The following DOT1L variants were observed in gnomAD, a reference collection of about 807,000 sequenced individuals.
DOT1L encodes histone-lysine N-methyltransferase, H3 lysine-79 specific.
Under a neutral mutation model 153.3 loss-of-function variants are expected in DOT1L, and 33 were observed. The ratio of observed to expected loss-of-function variants is 0.22; its 90% CI spans 0.16 to 0.29. DOT1L has a LOEUF of 0.29. DOT1L is among the 10% of genes least tolerant of loss of function. The pLI, the probability that DOT1L is intolerant of heterozygous loss-of-function variation, is 1.00. For missense variants in DOT1L, 1,847 were observed against 2,119.9 expected, an observed-to-expected ratio of 0.87 and a Z score of 2.53; for synonymous variants, 1,135 against 965.1, an observed-to-expected ratio of 1.18 and a Z score of -3.26.
chr19:2,188,876 G>A (rs1042251548), intron 3 of DOT1L, among the ~76,000 whole-genome samples: 2 of 152,214 alleles, frequency 1.3e-5, no homozygotes, highest in African/African-American at 4.8e-5. Context: ...CTGAGCCCAG[G>A]CCTGGCTGGG....
rs1344258904 is a variant in DOT1L, at chr19:2,230,184, G to A, written c.*392G>A. 7 of 470,174 alleles carry A rather than the reference G, an allele frequency of 1.5e-5. No individual in the cohort carries two copies. Among genetic ancestry groups the A allele is most frequent in the Non-Finnish European group, 2.2e-5 (6 of 269,180 alleles). 29.1% of individuals were successfully genotyped at this position (470,174 alleles called of 1,614,324 possible). ...GGTGCTATCTCGTCCCCAGGCCCGCGCCTGCCTCCACCCGCTTGGTGCTGA... is the reference window on the plus strand; with the variant it reads ...GGTGCTATCTCGTCCCCAGGCCCGCACCTGCCTCCACCCGCTTGGTGCTGA... On this transcript the variant is annotated 3_prime_UTR_variant, in exon 28 of 28. Coordinates refer to ENST00000398665, the MANE Select transcript of DOT1L (RefSeq NM_032482.3).
intron 2 of DOT1L, 92 bp downstream of exon 2, chr19:2,180,848 C>T (rs1025875916): frequency 1.9e-5 from 28 of 1,494,452 alleles, no homozygotes; most frequent in Middle Eastern, 2.0e-4. Flanking sequence ...GGGGATGGCT[C>T]CTGCAGGGGT....
chr19:2,217,110 C>A lies in DOT1L; in HGVS notation c.2544+20C>A, dbSNP rs1478852611. The A allele has an allele frequency of 1.3e-6, 2 of 1,570,452 alleles. No individual in the cohort carries two copies. Among genetic ancestry groups the A allele is most frequent in the Admixed American group, 1.8e-5 (1 of 56,634 alleles). Reference sequence around the variant, plus strand: ...GAGAAGGTGCGGGCCGCGACCCCTGCCCCGGGCTCAGGGAGGTGCTCAGCA... The same window carrying A: ...GAGAAGGTGCGGGCCGCGACCCCTGACCCGGGCTCAGGGAGGTGCTCAGCA... On this transcript the variant is annotated intron_variant, in intron 21 of 27. Coordinates refer to ENST00000398665, the MANE Select transcript of DOT1L (RefSeq NM_032482.3). The surrounding 1 kb of genome is among the most constrained non-coding windows in gnomAD (Gnocchi z 7.3).
Position 2,190,479 on chromosome 19 carries a change from T to G in DOT1L, c.265-533T>G, listed in dbSNP as rs2022743189. On this transcript the variant is annotated intron_variant, in intron 4 of 27. Transcript: ENST00000398665. The surrounding 1 kb of genome is among the most constrained non-coding windows in gnomAD (Gnocchi z 4.8). ...CATCAGCCTGCCACCCGGCTCTGGC[T>G]TCCCCTCAACCTCATGCATGCAGCT... Among the ~76,000 whole-genome samples, 1 of 152,212 alleles carries G rather than the reference T, an allele frequency of 6.6e-6. No homozygotes were observed.
intron 16 of DOT1L, chr19:2,212,173 A>T (rs991794375): frequency 4.4e-6 from 1 of 225,398 alleles, no homozygotes; most frequent in Non-Finnish European, 8.7e-6. Flanking sequence ...GTGAGGTCAC[A>T]GTCTTCCCAG....
At chr19:2,206,680 C>A in intron 9 of DOT1L, 49 bp from the exon 10 acceptor site, 1 of 1,595,288 alleles carries the variant, frequency 6.3e-7, no homozygotes, top group South Asian at 1.1e-5. Context: ...GGTGTCTGCT[C>A]TTCTGTTTCC....
chr19:2,229,927 A>C lies in DOT1L; in HGVS notation c.*135A>C. The C allele has an allele frequency of 6.6e-7, 1 of 1,512,390 alleles. No homozygotes were observed. The highest frequency in any genetic ancestry group is 9.1e-7 in the Non-Finnish European group (1 of 1,099,508). The allele number at this position is 1,512,390 out of a possible 1,614,324, so 93.7% of individuals were successfully genotyped here. A position where few individuals can be genotyped will look rare whatever the true frequency, so the allele number is the denominator to read the frequency against. ...AGGACGGACGGGAGCTCCACTGTGAATCGGCGGCACGCGCCGCAGGAGGCT... is the reference window on the plus strand; with the variant it reads ...AGGACGGACGGGAGCTCCACTGTGACTCGGCGGCACGCGCCGCAGGAGGCT... On this transcript the variant is annotated 3_prime_UTR_variant, in exon 28 of 28. Transcript: ENST00000398665.
intron 27 of DOT1L, chr19:2,229,198 C>T (rs998632052): frequency 1.0e-6 from 1 of 985,342 alleles, no homozygotes; most frequent in African/African-American, 1.7e-5. Flanking sequence ...CCTGTTCACT[C>T]CTCCCCCAAG....
At chr19:2,174,749 AG>A (rs943929071) in intron 1 of DOT1L, among the ~76,000 whole-genome samples, 2 of 151,280 alleles carry the variant, frequency 1.3e-5, no homozygotes, top group African/African-American at 4.9e-5. Context: ...TCTCCCAAAC[AG>A]CTGAGACTAC....
At chr19:2,171,394 C>A (rs559052947) in intron 1 of DOT1L, among the ~76,000 whole-genome samples, 3 of 152,318 alleles carry the variant, frequency 2.0e-5, no homozygotes, top group Non-Finnish European at 4.4e-5. Context: ...GAATTCCTGG[C>A]CCTGGAAGGT....
chr19:2,183,055 C>A (rs1056879974), intron 2 of DOT1L, among the ~76,000 whole-genome samples: 3 of 152,188 alleles, frequency 2.0e-5, no homozygotes, highest in African/African-American at 7.2e-5. Flanking sequence ...AGGGTTCTCA[C>A]GGTGTGGCTG....
At chr19:2,178,573 C>A (rs774270732) in intron 1 of DOT1L, among the ~76,000 whole-genome samples, 2 of 151,964 alleles carry the variant, frequency 1.3e-5, no homozygotes, top group South Asian at 4.1e-4. Context: ...CCCGTCACTA[C>A]GCCTGGCTAA....
chr19:2,200,352 G>A (rs1018494205), intron 8 of DOT1L, among the ~76,000 whole-genome samples: 1 of 152,162 alleles, frequency 6.6e-6, no homozygotes, highest in African/African-American at 2.4e-5. Flanking sequence ...GCGGCCCCTC[G>A]TGGTCCCAAA....
At chr19:2,227,830 C>G in intron 27 of DOT1L, 1 of 1,294,490 alleles carries the variant, frequency 7.7e-7, no homozygotes, top group Non-Finnish European at 1.0e-6. Flanking sequence ...ACACTGGGCC[C>G]GAGCCCGCTG....
chr19:2,206,319 A>C (rs2023490145), intron 9 of DOT1L, among the ~76,000 whole-genome samples: 1 of 151,802 alleles, frequency 6.6e-6, no homozygotes, highest in Admixed American at 6.6e-5. Flanking sequence ...TATTTGTAGG[A>C]GGTTGGGCGT....
At chr19:2,216,173 A>C in intron 19 of DOT1L, 108 bp from the exon 20 acceptor site, 8 of 1,453,400 alleles carry the variant, frequency 5.5e-6, no homozygotes, top group Non-Finnish European at 7.3e-6. Context: ...CATCCCACAC[A>C]AGCAGCGGGG....
chr19:2,226,854 G>A lies in DOT1L; in HGVS notation c.4333G>A (p.Ala1445Thr), dbSNP rs373493182. ...PGSLLSGPGL[A>T]PAASSAGGAA... Reference sequence around the variant, plus strand: ...AAGCCTCCTCAGCGGCCCCGGCCTGGCCCCGGCGGCGTCCTCCGCAGGCGG... The same window carrying A: ...AAGCCTCCTCAGCGGCCCCGGCCTGACCCCGGCGGCGTCCTCCGCAGGCGG... Residue 1445 changes from alanine (A) to threonine (T), a missense_variant, in exon 27 of 28, where the codon GCC (alanine) becomes ACC (threonine). Transcript: ENST00000398665. The A allele has an allele frequency of 2.5e-5, 39 of 1,577,598 alleles. No individual in the cohort carries two copies. The African/African-American group carries it at 4.7e-4, about 19-fold the overall frequency.
chr19:2,210,911 C>A, intron 14 of DOT1L, 56 bp downstream of exon 14: 1 of 1,585,446 alleles, frequency 6.3e-7, no homozygotes, highest in Admixed American at 1.7e-5. Flanking sequence ...TGCCTGGGGT[C>A]CCCTCTGCTG....
At chr19:2,218,027 C>T (rs780088608) in intron 22 of DOT1L, 109 bp downstream of exon 22, 37 of 1,457,202 alleles carry the variant, frequency 2.5e-5, no homozygotes, top group East Asian at 4.9e-5. Context: ...AAATGTCGAG[C>T]GTGAGGCAAT....
Sources: allele counts gnomAD v4.1 joint callset (sites outside exome capture counted in the v4.1 genomes callset), GRCh38; gene constraint gnomAD v4.1.1; non-coding constraint Gnocchi (gnomAD v3.1); transcripts MANE v1.5; gene names NCBI Gene and HGNC (gene_info 2026-07-23, HGNC 2026-07-21).